HTR4: variants seen among roughly 807,000 people sequenced by gnomAD.
HTR4 encodes the protein 5-hydroxytryptamine receptor 4.
HTR4 carries 16 observed loss-of-function variants against 36.8 expected under a neutral mutation model. The observed-to-expected ratio is 0.43, with a 90% CI of 0.29 to 0.66. The LOEUF (loss-of-function observed/expected upper bound fraction) is 0.66, where lower values mean the gene tolerates loss of function less well. Among genes scored for constraint, HTR4 ranks in the 30% least tolerant of loss-of-function variants. HTR4 has a pLI of 0.13. For synonymous variants in HTR4, 189 were observed against 185.1 expected (o/e 1.02, Z -0.17); for missense variants, 438 against 490.9 (o/e 0.89, Z 1.02).
chr5:148,475,421 G>C (rs752203015), downstream of HTR4, among the ~76,000 whole-genome samples: 1 of 152,022 alleles, frequency 6.6e-6, no homozygotes, highest in Admixed American at 6.5e-5. Flanking sequence ...TACTGTCTTA[G>C]AAGGTGAAGT....
At chr5:148,596,018 T>C (rs543512989) in intron 2 of HTR4, among the ~76,000 whole-genome samples, 1 of 152,362 alleles carries the variant, frequency 6.6e-6, no homozygotes, top group South Asian at 2.1e-4. Context: ...AGACTGTGGC[T>C]GCAAATCAAT....
chr5:148,558,919 C>T (rs1287121655), intron 2 of HTR4, among the ~76,000 whole-genome samples: 1 of 152,194 alleles, frequency 6.6e-6, no homozygotes, highest in Non-Finnish European at 1.5e-5. Flanking sequence ...GATGGGGTTA[C>T]CTCCCAGTAA....
At chr5:148,572,087 G>T (rs1760700214) in intron 2 of HTR4, among the ~76,000 whole-genome samples, 1 of 152,018 alleles carries the variant, frequency 6.6e-6, no homozygotes, top group African/African-American at 2.4e-5. Context: ...TAAATGGTGG[G>T]CTCTAATATG....
chr5:148,511,559 G>A (rs1233877110), intron 5 of HTR4, among the ~76,000 whole-genome samples: 1 of 151,436 alleles, frequency 6.6e-6, no homozygotes, highest in Non-Finnish European at 1.5e-5. Context: ...ACAGACATTT[G>A]AGTCATTTTT....
In HTR4 at chr5:148,636,970, G is replaced by A. The variant is rs199628036; in HGVS notation, c.26+19C>T. 5 of 1,491,494 alleles carry A rather than the reference G, an allele frequency of 3.4e-6. No individual in the cohort carries two copies. The highest frequency in any genetic ancestry group is 1.4e-5 in the African/African-American group (1 of 72,612). 92.4% of individuals were successfully genotyped at this position (1,491,494 alleles called of 1,614,324 possible). Reference sequence around the variant, plus strand: ...ATGTTCTCAGTTTACAACACAATATGTACAGAAAGGTAACATACCTCACAT... The same window carrying A: ...ATGTTCTCAGTTTACAACACAATATATACAGAAAGGTAACATACCTCACAT... On this transcript the variant is annotated intron_variant, in intron 2 of 6. Transcript: ENST00000377888.
In HTR4 at chr5:148,505,659, G is replaced by A. The variant is rs986975891; in HGVS notation, c.1076+3797C>T. On this transcript the variant is annotated intron_variant, in intron 6 of 6. Transcript: ENST00000377888. ...AGCCCAAAATCTCCTTAAGCTGATA[G>A]GCAACTTCAGCAAAGTCTCAGGATA... is the stretch of plus-strand genomic sequence containing the variant. 2.0e-5 allele frequency among the ~76,000 whole-genome samples: 3 copies of A among 152,136 alleles called. No homozygotes were observed. The East Asian group carries it at 5.8e-4, about 29-fold the overall frequency.
rs201509506 is a variant in HTR4, at chr5:148,482,088, G to A, written c.*1115C>T. The A allele has an allele frequency of 1.2e-5, 12 of 981,624 alleles. No homozygotes were observed. The highest frequency in any genetic ancestry group is 1.5e-5 in the Non-Finnish European group (12 of 826,300). The allele number at this position is 981,624 out of a possible 1,614,324, so 60.8% of individuals were successfully genotyped here. A position where few individuals can be genotyped will look rare whatever the true frequency, so the allele number is the denominator to read the frequency against. On this transcript the variant is annotated 3_prime_UTR_variant, in exon 7 of 7. Transcript: ENST00000377888. ...AAAGAACACTATTCAAGATCTCACA[G>A]CTTGTTTGCAGCACAGCCAGGGCGG... is the stretch of plus-strand genomic sequence containing the variant.
chr5:148,461,225 A>G (rs1195986293), intron 5 of HTR4, among the ~76,000 whole-genome samples: 1 of 151,988 alleles, frequency 6.6e-6, no homozygotes, highest in African/African-American at 2.4e-5. Context: ...AAGAACAAAG[A>G]ACGAGGGCAA....
chr5:148,552,582 C>A (rs184574256), intron 2 of HTR4, among the ~76,000 whole-genome samples: 4 of 152,328 alleles, frequency 2.6e-5, no homozygotes, highest in Admixed American at 6.5e-5. Context: ...TGGAATGATT[C>A]TTCAGTGACA....
intron 5 of HTR4, among the ~76,000 whole-genome samples, chr5:148,468,781 C>T (rs760046220): frequency 2.6e-5 from 4 of 152,116 alleles, no homozygotes; most frequent in Non-Finnish European, 5.9e-5. Flanking sequence ...TCCCATAATC[C>T]CCATGTGTCG....
chr5:148,648,193 C>A (rs1216588477), intron 1 of HTR4, among the ~76,000 whole-genome samples: 4 of 152,078 alleles, frequency 2.6e-5, no homozygotes, highest in Non-Finnish European at 5.9e-5. Context: ...TCAAAAAGGG[C>A]AACAACAGAG....
chr5:148,600,079 A>G (rs891282296), intron 2 of HTR4, among the ~76,000 whole-genome samples: 8 of 151,396 alleles, frequency 5.3e-5, no homozygotes, highest in Non-Finnish European at 1.0e-4. Flanking sequence ...AATAATTATA[A>G]AAAAGGACAA....
At chr5:148,466,041 G>A in intron 5 of HTR4, 2 of 1,522,338 alleles carry the variant, frequency 1.3e-6, no homozygotes, top group African/African-American at 1.4e-5. Flanking sequence ...GCCTAAATAA[G>A]CTTGCCAATA....
At chr5:148,603,855 G>A (rs867686953) in intron 2 of HTR4, among the ~76,000 whole-genome samples, 4 of 151,998 alleles carry the variant, frequency 2.6e-5, no homozygotes, top group Non-Finnish European at 4.4e-5. Flanking sequence ...ACAAACCAAA[G>A]GGACAAATAG....
intron 2 of HTR4, among the ~76,000 whole-genome samples, chr5:148,587,816 T>A (rs981573334): frequency 5.3e-5 from 8 of 152,218 alleles, no homozygotes; most frequent in African/African-American, 9.6e-5. Context: ...CTTTTCTTGC[T>A]GTGGCCCCAT....
chr5:148,632,027 G>A (rs887118636), intron 2 of HTR4, among the ~76,000 whole-genome samples: 8 of 152,134 alleles, frequency 5.3e-5, no homozygotes, highest in Non-Finnish European at 1.2e-4. Context: ...GCCTACCAAA[G>A]GAATCAAAAA....
At chr5:148,558,007 G>T (rs926958064) in intron 2 of HTR4, among the ~76,000 whole-genome samples, 1 of 151,646 alleles carries the variant, frequency 6.6e-6, no homozygotes, top group Admixed American at 6.6e-5. Context: ...CACCTGTTAG[G>T]AGTGTCATGT....
downstream of HTR4, among the ~76,000 whole-genome samples, chr5:148,474,628 G>A (rs186707856): frequency 7.9e-5 from 12 of 152,214 alleles, no homozygotes; most frequent in South Asian, 2.1e-4. Context: ...CTACCCTCAC[G>A]TATTGTAAAA....
At chr5:148,605,637 C>T (rs766360994) in intron 2 of HTR4, among the ~76,000 whole-genome samples, 21 of 151,998 alleles carry the variant, frequency 1.4e-4, no homozygotes, top group Admixed American at 3.9e-4. Flanking sequence ...AAGGACAGAG[C>T]GGGCCAGGGA....
Sources: allele counts gnomAD v4.1 joint callset (sites outside exome capture counted in the v4.1 genomes callset), GRCh38; gene constraint gnomAD v4.1.1; transcripts MANE v1.5; gene names NCBI Gene and HGNC (gene_info 2026-07-23, HGNC 2026-07-21).